The following SLC13A4 variants were observed in gnomAD, a reference collection of about 807,000 sequenced individuals.
SLC13A4 encodes the protein solute carrier family 13 member 4, also known as Na(+)/sulfate cotransporter SUT-1.
A neutral mutation model predicts 72.7 loss-of-function variants in SLC13A4; 28 were observed. That is an observed-to-expected ratio of 0.39 (90% CI 0.29 to 0.53). The LOEUF is 0.53. SLC13A4 is among the 20% of genes least tolerant of loss of function. The probability of loss-of-function intolerance (pLI) is 0.78; values close to 1 mark genes in which losing one functional copy is unlikely to be tolerated. For missense variants in SLC13A4, 653 were observed against 788.0 expected (o/e 0.83, Z 2.05); for synonymous variants, 312 against 325.5 (o/e 0.96, Z 0.45).
At chr7:135,706,382 C>T in intron 3 of SLC13A4, 82 bp from the exon 4 acceptor site, 1 of 1,433,852 alleles carries the variant, frequency 7.0e-7, no homozygotes, top group Middle Eastern at 1.8e-4. Flanking sequence ...TACCAACCTG[C>T]TGGGGCTGGT....
At chr7:135,683,612 T>C (rs1224968314) in intron 15 of SLC13A4, 22 of 985,238 alleles carry the variant, frequency 2.2e-5, no homozygotes, top group Non-Finnish European at 2.7e-5. Context: ...CAGCTGAAAA[T>C]GAAAATGAAT....
intron 2 of SLC13A4, among the ~76,000 whole-genome samples, chr7:135,714,558 A>G (rs115503646): frequency 0.068 from 10,323 of 152,252 alleles, 470 homozygotes; most frequent in African/African-American, 0.13. Flanking sequence ...GCTGAGGGTG[A>G]GGGCAGCCTG....
At chr7:135,721,760 C>T (rs1796554937) in intron 1 of SLC13A4, among the ~76,000 whole-genome samples, 1 of 152,188 alleles carries the variant, frequency 6.6e-6, no homozygotes, top group African/African-American at 2.4e-5. Flanking sequence ...GTGGTTTGCA[C>T]TGGTGTGTAG....
Position 135,681,444 on chromosome 7 carries a change from C to T in SLC13A4, c.*119G>A. The T allele has an allele frequency of 2.3e-6, 3 of 1,302,554 alleles. No individual in the cohort carries two copies. Among genetic ancestry groups the T allele is most frequent in the South Asian group, 3.3e-5 (2 of 60,680 alleles). The allele number at this position is 1,302,554 out of a possible 1,614,324, so 80.7% of individuals were successfully genotyped here. ...CGGAATCTTCTGGTGGAGGGATGCC[C>T]TCCGGCGTGGGTCTGGGGTTGTGTG... On this transcript the variant is annotated 3_prime_UTR_variant, in exon 16 of 16. Coordinates refer to ENST00000682651, the MANE Select transcript of SLC13A4 (RefSeq NM_001318192.2).
intron 1 of SLC13A4, among the ~76,000 whole-genome samples, chr7:135,724,207 A>G (rs1796602675): frequency 1.3e-5 from 2 of 152,174 alleles, no homozygotes; most frequent in South Asian, 4.1e-4. Context: ...AGGTGCAGAG[A>G]AAGGGAAAGG....
At chr7:135,718,935 C>T (rs1456662422) in intron 2 of SLC13A4, among the ~76,000 whole-genome samples, 1 of 152,222 alleles carries the variant, frequency 6.6e-6, no homozygotes, top group Non-Finnish European at 1.5e-5. Flanking sequence ...GCCTTACTGG[C>T]ATTTCCCTCT....
intron 3 of SLC13A4, 82 bp from the exon 4 acceptor site, chr7:135,706,382 C>G: frequency 1.4e-6 from 2 of 1,433,848 alleles, no homozygotes; most frequent in Non-Finnish European, 1.9e-6. Flanking sequence ...TACCAACCTG[C>G]TGGGGCTGGT....
chr7:135,692,241 T>C, intron 11 of SLC13A4, 82 bp downstream of exon 11: 1 of 951,676 alleles, frequency 1.1e-6, no homozygotes, highest in Middle Eastern at 2.1e-4. Context: ...TGGCTTCATA[T>C]CTGCCCCTGA....
chr7:135,724,429 A>AGAGGTTGCAGTGAGCC (rs1224516918), intron 1 of SLC13A4, among the ~76,000 whole-genome samples: 2 of 146,130 alleles, frequency 1.4e-5, no homozygotes, highest in Non-Finnish European at 3.0e-5. Context: ...CCCGGGAGGC[A>AGAGGTTGCAGTGAGCC]GAGGTTGCAG....
At chr7:135,681,776 C>T in intron 15 of SLC13A4, 76 bp from the exon 16 acceptor site, 3 of 1,561,440 alleles carry the variant, frequency 1.9e-6, no homozygotes, top group Admixed American at 3.5e-5. Context: ...CCTTCTGTTC[C>T]TGCAGCCTAT....
intron 1 of SLC13A4, 131 bp downstream of exon 1, chr7:135,727,267 C>T (rs1796682405): frequency 2.5e-6 from 3 of 1,209,836 alleles, no homozygotes; most frequent in Admixed American, 2.6e-5. Flanking sequence ...TGGAAAAATC[C>T]TTCCATTTCT....
chr7:135,704,747 TATC>T (rs1796124046), intron 5 of SLC13A4: 2 of 152,190 alleles, frequency 1.3e-5, no homozygotes, highest in Non-Finnish European at 2.9e-5. Flanking sequence ...TTGCCTGGGA[TATC>T]ATCAAGGGTG....
chr7:135,702,231 A>G (rs148663832), intron 6 of SLC13A4: 216 of 157,708 alleles, frequency 1.4e-3, no homozygotes, highest in African/African-American at 5.1e-3. Flanking sequence ...ACATCATTGT[A>G]CCCAGCTGAA....
At chr7:135,692,993 C>G (rs764699393) in intron 10 of SLC13A4, 1 of 146,996 alleles carries the variant, frequency 6.8e-6, no homozygotes, top group Non-Finnish European at 1.5e-5. Context: ...CCCAGTTACT[C>G]GGGAGGCTGA....
At chr7:135,713,891 G>T (rs1029915368) in intron 2 of SLC13A4, among the ~76,000 whole-genome samples, 6 of 152,186 alleles carry the variant, frequency 3.9e-5, no homozygotes, top group Admixed American at 2.0e-4. Context: ...GAACAATTTT[G>T]CAGTGAAATT....
At chr7:135,722,572 G>T (rs1187829082) in intron 1 of SLC13A4, among the ~76,000 whole-genome samples, 1 of 146,546 alleles carries the variant, frequency 6.8e-6, no homozygotes, top group Non-Finnish European at 1.5e-5. Flanking sequence ...ATTCATATAC[G>T]AACATTACAT....
intron 2 of SLC13A4, among the ~76,000 whole-genome samples, chr7:135,711,728 G>T (rs536959016): frequency 6.6e-6 from 1 of 152,248 alleles, no homozygotes; most frequent in South Asian, 2.1e-4. Flanking sequence ...GACAGCATGA[G>T]CTGGCACACA....
chr7:135,727,354 C>G lies in SLC13A4; in HGVS notation c.99+44G>C, dbSNP rs1260383911. On this transcript the variant is annotated intron_variant, in intron 1 of 15. Transcript: ENST00000682651. ...CCTACCGACCTCCCCTCTTTGCCCT[C>G]CCACTGACTCCCAGACCCCCGGTGG... 5.8e-6 allele frequency: 9 copies of G among 1,540,388 alleles called. No homozygotes were observed. In the Admixed American group the frequency reaches 1.8e-4, roughly 30 times the overall value.
chr7:135,694,293 G>T (rs1191340438), intron 9 of SLC13A4, 55 bp from the exon 10 acceptor site: 2 of 1,094,996 alleles, frequency 1.8e-6, no homozygotes, highest in Non-Finnish European at 2.8e-6. Flanking sequence ...GAGGCCCAGA[G>T]ATCAAATATT....
Sources: gnomAD v4.1 joint callset for allele counts (sites outside exome capture counted in the v4.1 genomes callset) on GRCh38, gnomAD v4.1.1 for gene constraint, MANE v1.5 for transcripts, NCBI Gene and HGNC (gene_info 2026-07-23, HGNC 2026-07-21) for gene names.